The following RAP1GDS1 variants were observed in gnomAD, a reference collection of about 807,000 sequenced individuals.
RAP1GDS1 encodes RAP1, GTP-GDP dissociation stimulator 1.
RAP1GDS1 carries 35 observed loss-of-function variants against 71.1 expected under a neutral mutation model. The observed-to-expected ratio is 0.49, with a 90% CI of 0.38 to 0.65. RAP1GDS1 has a LOEUF of 0.65. Among genes scored for constraint, RAP1GDS1 ranks in the 30% least tolerant of loss-of-function variants. RAP1GDS1 has a pLI of 0.00. For synonymous variants in RAP1GDS1, 229 were observed against 243.1 expected (o/e 0.94, Z 0.54); for missense variants, 663 against 706.1 (o/e 0.94, Z 0.69).
chr4:98,395,691 T>G (rs967934809), intron 6 of RAP1GDS1, among the ~76,000 whole-genome samples: 7 of 152,172 alleles, frequency 4.6e-5, no homozygotes, highest in Non-Finnish European at 8.8e-5. Context: ...AGATACTCTT[T>G]AGGATAGCCA....
intron 2 of RAP1GDS1, among the ~76,000 whole-genome samples, chr4:98,322,723 G>A (rs1291557531): frequency 8.7e-6 from 1 of 114,994 alleles, no homozygotes; most frequent in African/African-American, 4.2e-5. Flanking sequence ...TGAAACCAAC[G>A]AGAACAAAGA....
intron 1 of RAP1GDS1, among the ~76,000 whole-genome samples, chr4:98,270,801 C>G (rs1723347352): frequency 6.6e-6 from 1 of 152,084 alleles, no homozygotes; most frequent in South Asian, 2.1e-4. Flanking sequence ...CTCTGCCACA[C>G]CTGAGACAGC....
intron 2 of RAP1GDS1, among the ~76,000 whole-genome samples, chr4:98,315,790 A>G (rs780274103): frequency 6.6e-6 from 1 of 152,220 alleles, no homozygotes; most frequent in Non-Finnish European, 1.5e-5. Context: ...GTGTGGAGAC[A>G]GTGTGAAAGG....
intron 1 of RAP1GDS1, among the ~76,000 whole-genome samples, chr4:98,282,415 C>A (rs1301829343): frequency 6.6e-6 from 1 of 152,094 alleles, no homozygotes; most frequent in Non-Finnish European, 1.5e-5. Flanking sequence ...TTATAGTATT[C>A]TCTGATGGTA....
chr4:98,426,200 A>G (rs1221210129), intron 12 of RAP1GDS1, among the ~76,000 whole-genome samples: 2 of 152,170 alleles, frequency 1.3e-5, no homozygotes, highest in African/African-American at 2.4e-5. Context: ...CAACCTATCA[A>G]TACCTCTGGG....
chr4:98,379,342 C>G, intron 5 of RAP1GDS1, 179 bp downstream of exon 5: 1 of 672,614 alleles, frequency 1.5e-6, no homozygotes, highest in Non-Finnish European at 2.2e-6. Flanking sequence ...GGTTAATTTA[C>G]TAAATGGGAC....
intron 1 of RAP1GDS1, among the ~76,000 whole-genome samples, chr4:98,286,831 A>T (rs1464773915): frequency 6.8e-6 from 1 of 147,988 alleles, no homozygotes; most frequent in Non-Finnish European, 1.5e-5. Flanking sequence ...GGTTGTAGTG[A>T]GCCAAGATCA....
chr4:98,365,722 A>G (rs1468244974), intron 4 of RAP1GDS1, among the ~76,000 whole-genome samples: 3 of 152,178 alleles, frequency 2.0e-5, no homozygotes, highest in Admixed American at 6.5e-5. Flanking sequence ...ACTTTTTTTA[A>G]ATGTTACTTT....
At chr4:98,282,937 A>C (rs1305493441) in intron 1 of RAP1GDS1, among the ~76,000 whole-genome samples, 2 of 152,194 alleles carry the variant, frequency 1.3e-5, no homozygotes, top group East Asian at 3.9e-4. Context: ...GTTTTGAGTG[A>C]GTTTCTTAAT....
chr4:98,309,126 TG>T (rs1729828848), intron 2 of RAP1GDS1, among the ~76,000 whole-genome samples: 1 of 152,090 alleles, frequency 6.6e-6, no homozygotes, highest in Admixed American at 6.6e-5. Context: ...AAATGAATTT[TG>T]GTGTTTCAAG....
intron 4 of RAP1GDS1, among the ~76,000 whole-genome samples, chr4:98,353,820 A>G (rs866127534): frequency 2.6e-5 from 4 of 152,180 alleles, no homozygotes; most frequent in Middle Eastern, 6.8e-3. Flanking sequence ...TTATGTTTAT[A>G]ATTTTGTGTT....
At chr4:98,410,930 T>C (rs554442308) in intron 7 of RAP1GDS1, among the ~76,000 whole-genome samples, 7 of 152,314 alleles carry the variant, frequency 4.6e-5, no homozygotes, top group Middle Eastern at 3.4e-3. Context: ...AATGCAGAGA[T>C]AGGCTTCCTG....
rs1271523128 is a variant in RAP1GDS1 at position 98,263,722 on chromosome 4, A to T, written c.4+2153A>T. On this transcript the variant is annotated intron_variant, in intron 1 of 14. Coordinates refer to ENST00000408927, the MANE Select transcript of RAP1GDS1 (RefSeq NM_001100427.2). Reference sequence around the variant, plus strand: ...AAATCTTTGGCAAATTGTTGAACTTAAAGCCACCTATTATTTTCAACTTTT... The same window carrying T: ...AAATCTTTGGCAAATTGTTGAACTTTAAGCCACCTATTATTTTCAACTTTT... Among the ~76,000 whole-genome samples the T allele has an allele frequency of 2.0e-5, 3 of 152,368 alleles. No individual in the cohort carries two copies. In the East Asian group the frequency reaches 5.8e-4, roughly 29 times the overall value.
intron 4 of RAP1GDS1, among the ~76,000 whole-genome samples, chr4:98,363,689 G>GA (rs1057419802): frequency 1.3e-5 from 2 of 152,090 alleles, no homozygotes; most frequent in African/African-American, 4.8e-5. Flanking sequence ...TTGAAGGCAA[G>GA]AAGTGACATG....
At chr4:98,400,604 T>TA (rs1745267863) in intron 6 of RAP1GDS1, among the ~76,000 whole-genome samples, 1 of 151,138 alleles carries the variant, frequency 6.6e-6, no homozygotes, top group Non-Finnish European at 1.5e-5. Flanking sequence ...AAAGATTAGA[T>TA]ACAGAAGATA....
chr4:98,344,032 C>T (rs1006373483), intron 3 of RAP1GDS1, among the ~76,000 whole-genome samples: 1 of 152,062 alleles, frequency 6.6e-6, no homozygotes, highest in African/African-American at 2.4e-5. Context: ...AAGGAATTTG[C>T]GTAATCATCA....
chr4:98,339,414 A>C (rs1735161462), intron 2 of RAP1GDS1, among the ~76,000 whole-genome samples: 1 of 152,180 alleles, frequency 6.6e-6, no homozygotes, highest in Non-Finnish European at 1.5e-5. Context: ...TTGTCACTGC[A>C]CCTAGATGTG....
Position 98,416,593 on chromosome 4 carries a change from G to A in RAP1GDS1, c.764-152G>A, listed in dbSNP as rs534391772. On this transcript the variant is annotated intron_variant, in intron 7 of 14. Coordinates refer to ENST00000408927, the MANE Select transcript of RAP1GDS1 (RefSeq NM_001100427.2). Reference sequence around the variant, plus strand: ...TCTCGATCTCCTGACCTTGTGATCCGCCCATCTCGGCCTCCCAAAGTGCTG... The same window carrying A: ...TCTCGATCTCCTGACCTTGTGATCCACCCATCTCGGCCTCCCAAAGTGCTG... The A allele has an allele frequency of 3.8e-5, 20 of 530,208 alleles. 1 individual carries two copies. Among genetic ancestry groups the A allele is most frequent in the South Asian group, 1.4e-4 (4 of 29,150 alleles). The allele number at this position is 530,208 out of a possible 1,614,324, so 32.8% of individuals were successfully genotyped here.
At chr4:98,420,535 GT>G (rs1228712501) in intron 11 of RAP1GDS1, among the ~76,000 whole-genome samples, 2 of 151,860 alleles carry the variant, frequency 1.3e-5, no homozygotes, top group Non-Finnish European at 2.9e-5. Flanking sequence ...CTGGCTAATT[GT>G]TTTGGAATTT....
Sources: allele counts gnomAD v4.1 joint callset (sites outside exome capture counted in the v4.1 genomes callset), GRCh38; gene constraint gnomAD v4.1.1; transcripts MANE v1.5; gene names NCBI Gene and HGNC (gene_info 2026-07-23, HGNC 2026-07-21).